EPHA5: variants seen among roughly 807,000 people sequenced by gnomAD.
The protein encoded by EPHA5 is EPH receptor A5, also known as ephrin type-A receptor 5.
In EPHA5, 60 loss-of-function variants were observed where a neutral mutation model predicts 105.0. The observed-to-expected ratio is 0.57, with a 90% CI of 0.46 to 0.71. The LOEUF (loss-of-function observed/expected upper bound fraction) is 0.71, where lower values mean the gene tolerates loss of function less well. Ranked by LOEUF, EPHA5 falls within the 30% of genes least tolerant of loss-of-function variation. EPHA5 has a pLI of 0.00. For synonymous variants in EPHA5, 513 were observed against 449.1 expected (o/e 1.14, Z -1.80); for missense variants, 1,218 against 1,274.7 (o/e 0.96, Z 0.68).
chr4:65,478,663 G>T (rs1730062467), intron 5 of EPHA5, among the ~76,000 whole-genome samples: 1 of 151,972 alleles, frequency 6.6e-6, no homozygotes, highest in Non-Finnish European at 1.5e-5. Flanking sequence ...GTAGAGATGG[G>T]GTTCCGCCAT....
At chr4:65,565,418 CAT>C (rs1258063332) in intron 3 of EPHA5, among the ~76,000 whole-genome samples, 1 of 151,624 alleles carries the variant, frequency 6.6e-6, no homozygotes, top group East Asian at 1.9e-4. Context: ...GACTCACAAA[CAT>C]ATAATTAGAA....
Position 65,457,133 on chromosome 4 carries a change from C to T in EPHA5, c.1402+33244G>A, listed in dbSNP as rs78446533. ...ATTGTGAACTGAAATAAACATACTG[C>T]GTTAATTCCTCCAGTAAGAATGAGT... On this transcript the variant is annotated intron_variant, in intron 5 of 16. Transcript: ENST00000613740. Among the ~76,000 whole-genome samples the T allele has an allele frequency of 1.8e-3, 274 of 152,178 alleles. 6 individuals are homozygous for T. In the East Asian group the frequency reaches 0.034, roughly 19 times the overall value.
intron 8 of EPHA5, among the ~76,000 whole-genome samples, chr4:65,401,102 C>T (rs1161743013): frequency 2.0e-5 from 3 of 151,608 alleles, no homozygotes; most frequent in Admixed American, 6.6e-5. Flanking sequence ...TGTTTTAGCA[C>T]AGAGAGATGG....
intron 5 of EPHA5, among the ~76,000 whole-genome samples, chr4:65,461,041 G>C (rs1728072780): frequency 1.3e-5 from 2 of 151,720 alleles, no homozygotes; most frequent in Admixed American, 6.6e-5. Context: ...TATTCCACAT[G>C]ATCACTACAC....
chr4:65,444,419 G>C (rs1212419558), intron 5 of EPHA5, among the ~76,000 whole-genome samples: 1 of 152,064 alleles, frequency 6.6e-6, no homozygotes, highest in Non-Finnish European at 1.5e-5. Context: ...AAAATCTCAG[G>C]AGAAAAGAGG....
In EPHA5 at chr4:65,322,493, A is replaced by G. The variant is rs942765018; in HGVS notation, c.*1621T>C. On this transcript the variant is annotated 3_prime_UTR_variant, in exon 17 of 17. Transcript: ENST00000613740. The stretch of plus-strand genomic sequence containing the variant: ...TTATTTAAATGCTCTGATTTTGACT[A>G]ATCACATGACATTCCATAATTTTTA... The G allele has an allele frequency of 8.9e-6, 2 of 225,534 alleles. No homozygotes were observed. The highest frequency in any genetic ancestry group is 1.8e-5 in the Non-Finnish European group (2 of 113,160). The allele number at this position is 225,534 out of a possible 1,614,324, so 14.0% of individuals were successfully genotyped here.
chr4:65,564,628 T>G (rs926152814), intron 3 of EPHA5, among the ~76,000 whole-genome samples: 1 of 151,808 alleles, frequency 6.6e-6, no homozygotes, highest in African/African-American at 2.4e-5. Flanking sequence ...ATGTACCAAG[T>G]TATTTAAAAA....
At chr4:65,484,878 A>G (rs893612255) in intron 5 of EPHA5, among the ~76,000 whole-genome samples, 2 of 152,090 alleles carry the variant, frequency 1.3e-5, no homozygotes, top group Non-Finnish European at 2.9e-5. Context: ...ATTTTACACT[A>G]TGAGTTGCTA....
chr4:65,469,581 G>A (rs1438580126), intron 5 of EPHA5, among the ~76,000 whole-genome samples: 5 of 152,094 alleles, frequency 3.3e-5, no homozygotes, highest in Non-Finnish European at 7.4e-5. Flanking sequence ...AGAGTTGGAC[G>A]CCAGCAAGGA....
chr4:65,328,876 A>G (rs1577818616), intron 16 of EPHA5, among the ~76,000 whole-genome samples: 1 of 151,134 alleles, frequency 6.6e-6, no homozygotes, highest in East Asian at 2.0e-4. Context: ...TAATAAATCT[A>G]TTTCAATTAA....
rs2148854465 is a variant in EPHA5, at chr4:65,351,455, G to T, written c.2379C>A (p.Cys793Ter). The change falls in exon 13 of 17, where the codon TGC becomes TGA. Residue 793 changes from cysteine (C) to a stop codon, truncating the protein, a stop_gained. Transcript: ENST00000613740. LOFTEE classifies it high-confidence loss of function. ...RNILINSNLV[C>*]KVSDFGLSRV... is the part of the protein sequence containing the mutation. ...GGGAAAGTCCAAAGTCAGACACTTT[G>T]CACACAAGGTTACTGTTGATTAAGA... The T allele has an allele frequency of 6.2e-7, 1 of 1,613,782 alleles. No individual in the cohort carries two copies. The highest frequency in any genetic ancestry group is 8.5e-7 in the Non-Finnish European group (1 of 1,179,808).
At chr4:65,508,608 A>G (rs1251938171) in intron 3 of EPHA5, among the ~76,000 whole-genome samples, 1 of 152,142 alleles carries the variant, frequency 6.6e-6, no homozygotes, top group Non-Finnish European at 1.5e-5. Flanking sequence ...TACATGTAGT[A>G]TAAAAAGCAT....
rs1469798985 is a variant in EPHA5, at chr4:65,323,903, GA to G, written c.*210del. On this transcript the variant is annotated 3_prime_UTR_variant, in exon 17 of 17. Transcript: ENST00000613740. ...TAACTTCATGTCCCTTTTAATGCAA[GA>G]TATGTTTGCTTCATGAAAAATGAAG... 1.7e-5 allele frequency: 7 copies of G among 419,634 alleles called. No homozygotes were observed. Among genetic ancestry groups the G allele is most frequent in the Non-Finnish European group, 3.0e-5 (7 of 231,834 alleles). 26.0% of individuals were successfully genotyped at this position (419,634 alleles called of 1,614,324 possible). A position where few individuals can be genotyped will look rare whatever the true frequency, so the allele number is the denominator to read the frequency against.
chr4:65,386,392 C>A (rs369816066), intron 8 of EPHA5, among the ~76,000 whole-genome samples: 1 of 151,908 alleles, frequency 6.6e-6, no homozygotes, highest in Non-Finnish European at 1.5e-5. Context: ...GAGGGGAATG[C>A]TAATTGTACA....
chr4:65,350,491 T>C (rs1179248466), intron 13 of EPHA5, among the ~76,000 whole-genome samples: 1 of 152,130 alleles, frequency 6.6e-6, no homozygotes, highest in African/African-American at 2.4e-5. Context: ...GCTATCAAAT[T>C]GTATAGGGAA....
At chr4:65,506,790 A>G (rs1733072294) in intron 3 of EPHA5, among the ~76,000 whole-genome samples, 1 of 151,984 alleles carries the variant, frequency 6.6e-6, no homozygotes, top group African/African-American at 2.4e-5. Context: ...TCAGATGAGT[A>G]GATGCAAAAA....
chr4:65,527,809 C>T (rs1735382092), intron 3 of EPHA5, among the ~76,000 whole-genome samples: 3 of 151,936 alleles, frequency 2.0e-5, no homozygotes, highest in Non-Finnish European at 4.4e-5. Context: ...GCCCGGTGTC[C>T]ACTAATTGTT....
At chr4:65,600,754 G>C (rs1244237715) in intron 3 of EPHA5, among the ~76,000 whole-genome samples, 1 of 152,048 alleles carries the variant, frequency 6.6e-6, no homozygotes, top group Non-Finnish European at 1.5e-5. Flanking sequence ...AGGATCATGA[G>C]GGTGAATAAT....
chr4:65,595,764 T>C (rs190158321), intron 3 of EPHA5, among the ~76,000 whole-genome samples: 2 of 152,144 alleles, frequency 1.3e-5, no homozygotes, highest in East Asian at 3.9e-4. Flanking sequence ...GTATATTTAC[T>C]AGAGACGAGG....
Sources: gnomAD v4.1 joint callset for allele counts (sites outside exome capture counted in the v4.1 genomes callset) on GRCh38, gnomAD v4.1.1 for gene constraint, MANE v1.5 for transcripts, NCBI Gene and HGNC (gene_info 2026-07-23, HGNC 2026-07-21) for gene names.